The following DNASE1 variants were observed in gnomAD, a reference collection of about 807,000 sequenced individuals.
DNASE1 encodes the protein deoxyribonuclease-1.
DNASE1 carries 40 observed loss-of-function variants against 33.9 expected under a neutral mutation model. That is an observed-to-expected ratio of 1.18 (90% CI 0.92 to 1.54). The LOEUF (loss-of-function observed/expected upper bound fraction) is 1.54. Ranked by LOEUF, DNASE1 falls within the 40% of genes most tolerant of loss-of-function variation. DNASE1 has a pLI of 0.00. For missense variants in DNASE1, 518 were observed against 372.6 expected (o/e 1.39, Z -3.21); for synonymous variants, 216 against 160.0 (o/e 1.35, Z -2.64).
intron 1 of DNASE1, among the ~76,000 whole-genome samples, chr16:3,645,200 C>T (rs1212341203): frequency 6.6e-6 from 1 of 152,170 alleles, no homozygotes; most frequent in Non-Finnish European, 1.5e-5. Flanking sequence ...GCCCACTTTA[C>T]ACTGTGTGTC....
At chr16:3,660,533 T>G (rs975405656), downstream of DNASE1, 5 of 152,042 alleles carry the variant, frequency 3.3e-5, no homozygotes, top group African/African-American at 1.2e-4. Context: ...CAAAACTAGT[T>G]TGCCACCAAA....
chr16:3,652,713 T>G (rs1216596411), upstream of DNASE1: 1 of 152,332 alleles, frequency 6.6e-6, no homozygotes. Context: ...GGAGGGTGGT[T>G]TACCTTCCTG....
chr16:3,663,297 G>A (rs2050731082), exon 10 of DNASE1: 12 of 1,276,518 alleles, frequency 9.4e-6, no homozygotes, highest in Middle Eastern at 2.4e-4. Flanking sequence ...CTCCCACAAG[G>A]CTCTTCTCGG....
At chr16:3,620,068 A>G (rs2041252564) in intron 1 of DNASE1, among the ~76,000 whole-genome samples, 1 of 152,010 alleles carries the variant, frequency 6.6e-6, no homozygotes, top group South Asian at 2.1e-4. Flanking sequence ...GGCATGCGCC[A>G]TCACGCCTGG....
At chr16:3,638,139 G>GTGTT (rs1491225370), upstream of DNASE1, among the ~76,000 whole-genome samples, 44 of 146,924 alleles carry the variant, frequency 3.0e-4, no homozygotes, top group Non-Finnish European at 3.0e-5. Flanking sequence ...GTGTGTGTGT[G>GTGTT]TTTTTCCCAG....
chr16:3,640,666 C>T, upstream of DNASE1: 1 of 398,326 alleles, frequency 2.5e-6, no homozygotes, highest in Non-Finnish European at 4.4e-6. Context: ...ATAGGTGGTG[C>T]TGGGTGAGCT....
chr16:3,618,117 T>A (rs1596552012), intron 1 of DNASE1, among the ~76,000 whole-genome samples: 1 of 151,348 alleles, frequency 6.6e-6, no homozygotes, highest in East Asian at 1.9e-4. Context: ...ACATAGGACT[T>A]GAATAGACAT....
At position 3,656,983 on chromosome 16, in the gene DNASE1, G is replaced by A. The variant is rs370925031; in HGVS notation, c.437-16G>A. 50 of 1,612,156 alleles carry A rather than the reference G, an allele frequency of 3.1e-5. No individual in the cohort carries two copies. The highest frequency in any genetic ancestry group is 2.1e-4 in the South Asian group (19 of 90,822). On this transcript the variant is annotated splice_polypyrimidine_tract_variant and intron_variant, in intron 5 of 8. Coordinates refer to ENST00000246949, the MANE Select transcript of DNASE1 (RefSeq NM_005223.4). Reference sequence around the variant, plus strand: ...CCCCAGGGAGTGTGCCTCACACGACGTGGCTGTCTCCACAGAGGTCAGGGA... The same window carrying A: ...CCCCAGGGAGTGTGCCTCACACGACATGGCTGTCTCCACAGAGGTCAGGGA...
intron 1 of DNASE1, among the ~76,000 whole-genome samples, chr16:3,633,458 A>G (rs567035973): frequency 6.6e-6 from 1 of 152,186 alleles, no homozygotes; most frequent in Non-Finnish European, 1.5e-5. Flanking sequence ...AATACAAAAA[A>G]TTAGCCGGGC....
chr16:3,662,073 G>A (rs1053655086), downstream of DNASE1: 6 of 1,613,218 alleles, frequency 3.7e-6, no homozygotes, highest in South Asian at 2.2e-5. Flanking sequence ...GGAAGTGGCG[G>A]GCAGCCCCCA....
At chr16:3,621,017 C>G (rs2041292386) in intron 1 of DNASE1, among the ~76,000 whole-genome samples, 1 of 152,124 alleles carries the variant, frequency 6.6e-6, no homozygotes. Flanking sequence ...CCAGGCTGAT[C>G]TTGAACTCCT....
At chr16:3,659,685 T>C (rs1330190197), downstream of DNASE1, 1 of 152,120 alleles carries the variant, frequency 6.6e-6, no homozygotes, top group Non-Finnish European at 1.5e-5. Context: ...AAACCACATG[T>C]GGATGATATG....
rs1173210918 is a variant in DNASE1 at position 3,663,104 on chromosome 16, T to G, written c.*5151T>G. 10 of 735,616 alleles carry G rather than the reference T, an allele frequency of 1.4e-5. No homozygotes were observed. The South Asian group carries it at 1.7e-4, about 12-fold the overall frequency. 45.6% of individuals were successfully genotyped at this position (735,616 alleles called of 1,614,324 possible). Reference sequence around the variant, plus strand: ...ACACAAGCTAGCAAGATGCTTTTCATCTAAAAGTAAAACCTCAAAGGATGC... The same window carrying G: ...ACACAAGCTAGCAAGATGCTTTTCAGCTAAAAGTAAAACCTCAAAGGATGC... On this transcript the variant is annotated 3_prime_UTR_variant, in exon 10 of 10. Coordinates refer to the DNASE1 transcript ENST00000407479.
At chr16:3,613,971 G>A (rs2041006235) in intron 1 of DNASE1, among the ~76,000 whole-genome samples, 1 of 146,048 alleles carries the variant, frequency 6.8e-6, no homozygotes, top group Non-Finnish European at 1.5e-5. Context: ...GGAATGCAGT[G>A]GTGTGATCTC....
At chr16:3,627,834 G>A (rs2041563249) in intron 1 of DNASE1, among the ~76,000 whole-genome samples, 2 of 151,434 alleles carry the variant, frequency 1.3e-5, no homozygotes. Context: ...TTTGAAATCA[G>A]GAAGTGTGAA....
downstream of DNASE1, chr16:3,662,657 C>T: frequency 1.5e-6 from 1 of 686,078 alleles, no homozygotes; most frequent in Non-Finnish European, 2.7e-6. Context: ...TCTCAGTTCA[C>T]ACCTGCTCTG....
At chr16:3,664,388 TTC>T in exon 10 of DNASE1, 1 of 1,612,696 alleles carries the variant, frequency 6.2e-7, no homozygotes, top group Non-Finnish European at 8.5e-7. Flanking sequence ...GGCTGGCGTA[TTC>T]TGAGAGGCTG....
At chr16:3,634,528 G>A (rs991088124) in intron 1 of DNASE1, among the ~76,000 whole-genome samples, 5 of 151,612 alleles carry the variant, frequency 3.3e-5, no homozygotes, top group Admixed American at 2.6e-4. Flanking sequence ...GTGCCTGGCC[G>A]AGACAGGGTC....
intron 1 of DNASE1, among the ~76,000 whole-genome samples, chr16:3,631,424 C>T (rs2041695445): frequency 6.6e-6 from 1 of 152,230 alleles, no homozygotes; most frequent in Admixed American, 6.5e-5. Context: ...AGGCTGGTCT[C>T]GAACTACTAA....
Sources: gnomAD v4.1 joint callset for allele counts (sites outside exome capture counted in the v4.1 genomes callset) on GRCh38, gnomAD v4.1.1 for gene constraint, MANE v1.5 for transcripts, NCBI Gene and HGNC (gene_info 2026-07-23, HGNC 2026-07-21) for gene names.